The following CNTN5 variants were observed in gnomAD, a reference collection of about 807,000 sequenced individuals.
CNTN5 encodes contactin-5.
A neutral mutation model predicts 129.1 loss-of-function variants in CNTN5; 77 were observed. The ratio of observed to expected loss-of-function variants is 0.60; its 90% confidence interval spans 0.50 to 0.72. The LOEUF (loss-of-function observed/expected upper bound fraction) is 0.72, where lower values mean the gene tolerates loss of function less well. Among genes scored for constraint, CNTN5 ranks in the 30% least tolerant of loss-of-function variants. The pLI, the probability that CNTN5 is intolerant of heterozygous loss-of-function variation, is 0.00. For synonymous variants in CNTN5, 509 were observed against 465.6 expected (o/e 1.09, Z -1.20); for missense variants, 1,478 against 1,328.8 (o/e 1.11, Z -1.75).
At chr11:99,636,481 G>C (rs1389104505) in intron 3 of CNTN5, among the ~76,000 whole-genome samples, 3 of 151,398 alleles carry the variant, frequency 2.0e-5, no homozygotes, top group Admixed American at 6.6e-5. Context: ...CTGGGTCTTT[G>C]TCCTGTACCA....
intron 1 of CNTN5, among the ~76,000 whole-genome samples, chr11:99,193,416 G>A (rs1267988272): frequency 2.0e-5 from 3 of 152,156 alleles, no homozygotes; most frequent in Non-Finnish European, 2.9e-5. Flanking sequence ...ATTATGTGGG[G>A]ATAGTAATCA....
At chr11:99,898,179 C>G (rs531161534) in intron 6 of CNTN5, among the ~76,000 whole-genome samples, 2 of 151,870 alleles carry the variant, frequency 1.3e-5, no homozygotes, top group African/African-American at 2.4e-5. Flanking sequence ...AAAACAAGAA[C>G]AAATCAAACC....
intron 13 of CNTN5, among the ~76,000 whole-genome samples, chr11:100,186,409 T>A (rs1009167792): frequency 2.6e-4 from 40 of 151,828 alleles, no homozygotes; most frequent in Admixed American, 2.0e-4. Context: ...ATAACAAATA[T>A]AGGGTCCAGA....
chr11:100,021,773 G>A (rs1353423566), intron 9 of CNTN5, among the ~76,000 whole-genome samples: 1 of 152,164 alleles, frequency 6.6e-6, no homozygotes, highest in East Asian at 1.9e-4. Context: ...ACCAGTCCAA[G>A]TCCCAAAGCA....
intron 2 of CNTN5, among the ~76,000 whole-genome samples, chr11:99,362,582 T>C (rs1005204551): frequency 2.0e-5 from 3 of 151,994 alleles, no homozygotes; most frequent in Non-Finnish European, 2.9e-5. Flanking sequence ...TAGCTTTATA[T>C]GTTTTCTTCT....
chr11:100,004,392 G>T (rs957651049), intron 9 of CNTN5, among the ~76,000 whole-genome samples: 3 of 151,808 alleles, frequency 2.0e-5, no homozygotes, highest in African/African-American at 7.3e-5. Flanking sequence ...TTCATCCTCT[G>T]GCCTCAATTT....
intron 3 of CNTN5, among the ~76,000 whole-genome samples, chr11:99,629,442 A>G (rs1951255347): frequency 2.0e-5 from 3 of 152,038 alleles, no homozygotes; most frequent in Non-Finnish European, 4.4e-5. Flanking sequence ...AGGATCTATT[A>G]AGAAATGGCC....
intron 13 of CNTN5, among the ~76,000 whole-genome samples, chr11:100,177,118 A>G (rs1465324880): frequency 2.0e-5 from 3 of 152,090 alleles, no homozygotes; most frequent in African/African-American, 7.2e-5. Context: ...GTGCAATTTG[A>G]AGGAAAGGAG....
Position 99,343,725 on chromosome 11 carries a change from A to T in CNTN5, c.-71+18241A>T, listed in dbSNP as rs565275063. ...CTTATATTCTTAAAATGAAAAACTC[A>T]TAATGACCAGTCATTCATTTAAAAC... On this transcript the variant is annotated intron_variant, in intron 2 of 24. Coordinates refer to ENST00000524871, the MANE Select transcript of CNTN5 (RefSeq NM_014361.4). Among the ~76,000 whole-genome samples the T allele has an allele frequency of 8.5e-4, 130 of 152,318 alleles. 1 individual carries two copies. Among genetic ancestry groups the T allele is most frequent in the Admixed American group, 1.0e-3 (16 of 15,292 alleles).
intron 1 of CNTN5, among the ~76,000 whole-genome samples, chr11:99,247,585 A>G (rs1055415163): frequency 2.0e-5 from 3 of 151,686 alleles, no homozygotes; most frequent in Non-Finnish European, 4.4e-5. Context: ...AACATTAGGT[A>G]TATCTCCTAA....
Position 99,732,620 on chromosome 11 carries a change from C to T in CNTN5, c.56-86924C>T, listed in dbSNP as rs566952253. On this transcript the variant is annotated intron_variant, in intron 3 of 24. Transcript: ENST00000524871. ...AAGAAGGATGCTGGAGAAGGCCTGG[C>T]GGACTTGGCAGCACCATTTGCATAG... is the stretch of plus-strand genomic sequence containing the variant. Among the ~76,000 whole-genome samples the T allele has an allele frequency of 7.9e-5, 12 of 152,294 alleles. No individual in the cohort carries two copies. The South Asian group carries it at 1.7e-3, about 21-fold the overall frequency.
chr11:100,122,358 G>T (rs1157688104), intron 13 of CNTN5, among the ~76,000 whole-genome samples: 1 of 151,990 alleles, frequency 6.6e-6, no homozygotes, highest in Non-Finnish European at 1.5e-5. Context: ...GTCTCTTTTT[G>T]TTCTATCAGG....
chr11:99,833,478 A>T (rs1308344490), intron 4 of CNTN5, among the ~76,000 whole-genome samples: 1 of 152,202 alleles, frequency 6.6e-6, no homozygotes, highest in African/African-American at 2.4e-5. Context: ...TGATAAAACT[A>T]TATTATAAAA....
At chr11:100,093,306 G>T (rs1315083790) in intron 13 of CNTN5, among the ~76,000 whole-genome samples, 2 of 152,058 alleles carry the variant, frequency 1.3e-5, no homozygotes, top group Non-Finnish European at 2.9e-5. Flanking sequence ...TGTCACCCAG[G>T]CTGGAGTGCA....
chr11:99,779,270 A>T (rs910744504), intron 3 of CNTN5, among the ~76,000 whole-genome samples: 3 of 152,008 alleles, frequency 2.0e-5, no homozygotes, highest in Admixed American at 2.0e-4. Flanking sequence ...AATTAAATGT[A>T]TAACTCTCAT....
At chr11:100,016,808 C>G (rs1940847707) in intron 9 of CNTN5, among the ~76,000 whole-genome samples, 1 of 151,634 alleles carries the variant, frequency 6.6e-6, no homozygotes, top group Admixed American at 6.6e-5. Flanking sequence ...ATCTACCACC[C>G]TGTTTTTTCT....
intron 3 of CNTN5, among the ~76,000 whole-genome samples, chr11:99,801,331 T>G (rs538135452): frequency 2.6e-5 from 4 of 152,330 alleles, no homozygotes; most frequent in African/African-American, 9.6e-5. Flanking sequence ...TCTTTGTATG[T>G]AATCTAACAT....
At chr11:99,339,639 G>A (rs935620880) in intron 2 of CNTN5, among the ~76,000 whole-genome samples, 10 of 152,044 alleles carry the variant, frequency 6.6e-5, no homozygotes, top group African/African-American at 2.4e-4. Context: ...AAAATTAGCC[G>A]GGTGTGGTGG....
chr11:100,014,023 G>A (rs1019825835), intron 9 of CNTN5, among the ~76,000 whole-genome samples: 14 of 152,080 alleles, frequency 9.2e-5, no homozygotes, highest in Admixed American at 6.6e-4. Flanking sequence ...TTCTCCACTA[G>A]AGAAAGATCA....
Sources: allele counts gnomAD v4.1 joint callset (sites outside exome capture counted in the v4.1 genomes callset), GRCh38; gene constraint gnomAD v4.1.1; transcripts MANE v1.5; gene names NCBI Gene and HGNC (gene_info 2026-07-23, HGNC 2026-07-21).